The following PARVA variants were observed in gnomAD, a reference collection of about 807,000 sequenced individuals.
PARVA encodes parvin alpha.
In PARVA, 25 loss-of-function variants were observed where a neutral mutation model predicts 52.6. The observed-to-expected ratio is 0.48, with a 90% CI of 0.35 to 0.66. The LOEUF (loss-of-function observed/expected upper bound fraction) is 0.66. Ranked by LOEUF, PARVA falls within the 30% of genes least tolerant of loss-of-function variation. PARVA has a pLI of 0.01. For synonymous variants in PARVA, 185 were observed against 179.1 expected (o/e 1.03, Z -0.26); for missense variants, 373 against 450.9 (o/e 0.83, Z 1.56).
At chr11:12,490,102 G>C (rs1941213815) in intron 4 of PARVA, among the ~76,000 whole-genome samples, 1 of 151,978 alleles carries the variant, frequency 6.6e-6, no homozygotes, top group Non-Finnish European at 1.5e-5. Context: ...TGTAGTCCCA[G>C]CTACTCGGGA....
intron 1 of PARVA, among the ~76,000 whole-genome samples, chr11:12,435,179 C>T (rs569417122): frequency 5.8e-4 from 88 of 152,364 alleles, no homozygotes; most frequent in Non-Finnish European, 9.1e-4. Flanking sequence ...CTGCCTGCTT[C>T]TTGAAGCTCT....
At position 12,531,198 on chromosome 11, in the gene PARVA, G is replaced by A. The variant is rs1941768076; in HGVS notation, c.*3273G>A. 6.6e-6 allele frequency among the ~76,000 whole-genome samples: 1 copy of A among 152,182 alleles called. No individual in the cohort carries two copies. Among genetic ancestry groups the A allele is most frequent in the South Asian group, 2.1e-4 (1 of 4,830 alleles). On this transcript the variant is annotated 3_prime_UTR_variant, in exon 13 of 13. Transcript: ENST00000334956. ...AGAAGGCTCCAGTTTCACATGTGCA[G>A]GCACAGAGATGACATTTCCCGATCT...
intron 4 of PARVA, among the ~76,000 whole-genome samples, chr11:12,496,149 T>C (rs569575664): frequency 7.9e-5 from 12 of 152,166 alleles, no homozygotes; most frequent in East Asian, 1.9e-4. Context: ...TTGGAGAAGA[T>C]AGAATTGAAA....
At position 12,393,519 on chromosome 11, in the gene PARVA, C is replaced by T. The variant is rs191735804; in HGVS notation, c.136+15736C>T. Among the ~76,000 whole-genome samples the T allele has an allele frequency of 2.0e-5, 3 of 152,226 alleles. No individual in the cohort carries two copies. The East Asian group carries it at 5.8e-4, about 29-fold the overall frequency. On this transcript the variant is annotated intron_variant, in intron 1 of 12. Transcript: ENST00000334956. ...TTGAGTTGTCTTCCACATGGTCATT[C>T]AGGGATCCAGGCCCCTTTCATCTTA...
chr11:12,448,312 G>C (rs1169427796), intron 1 of PARVA, among the ~76,000 whole-genome samples: 1 of 152,190 alleles, frequency 6.6e-6, no homozygotes, highest in African/African-American at 2.4e-5. Flanking sequence ...GCCAGCATGG[G>C]TGCAGCCGTG....
At chr11:12,510,324 G>A (rs1205604177) in intron 7 of PARVA, among the ~76,000 whole-genome samples, 3 of 152,168 alleles carry the variant, frequency 2.0e-5, no homozygotes, top group Non-Finnish European at 4.4e-5. Context: ...TAATCATTAT[G>A]AGAACCAAAA....
intron 1 of PARVA, among the ~76,000 whole-genome samples, chr11:12,380,848 G>C (rs907015943): frequency 5.9e-5 from 9 of 152,186 alleles, no homozygotes; most frequent in African/African-American, 2.2e-4. Context: ...CATTGAGCTT[G>C]CTATCAGCTT....
rs140427139 is a variant in PARVA, at chr11:12,433,177, C to T, written c.137-40568C>T. 2.6e-3 allele frequency among the ~76,000 whole-genome samples: 391 copies of T among 152,264 alleles called. 2 individuals carry two copies. The highest frequency in any genetic ancestry group is 9.0e-3 in the African/African-American group (373 of 41,546). ...GGGAGGCCAAGTTTCATTTTTGCGA[C>T]GACCTTACCCAGCTGAAACTTTCCC... On this transcript the variant is annotated intron_variant, in intron 1 of 12. Transcript: ENST00000334956.
intron 1 of PARVA, among the ~76,000 whole-genome samples, chr11:12,439,436 T>C (rs1482138576): frequency 1.3e-5 from 2 of 152,202 alleles, no homozygotes; most frequent in Non-Finnish European, 2.9e-5. Context: ...TCAAAGATGG[T>C]TGAGACATTA....
rs75601333 is a variant in PARVA at position 12,418,875 on chromosome 11, C to T, written c.136+41092C>T. ...GCTGTGATAACTGATGTGTATTGAA[C>T]AATACTTTGCACCAGGAACTCTTAG... is the stretch of plus-strand genomic sequence containing the variant. On this transcript the variant is annotated intron_variant, in intron 1 of 12. Coordinates refer to ENST00000334956, the MANE Select transcript of PARVA (RefSeq NM_018222.5). Among the ~76,000 whole-genome samples, 356 of 152,254 alleles carry T rather than the reference C, an allele frequency of 2.3e-3. 2 individuals carry two copies. The highest frequency in any genetic ancestry group is 8.0e-3 in the African/African-American group (332 of 41,522).
chr11:12,435,911 G>A (rs1413926171), intron 1 of PARVA, among the ~76,000 whole-genome samples: 1 of 151,986 alleles, frequency 6.6e-6, no homozygotes, highest in Admixed American at 6.6e-5. Context: ...TCTGCTTCCC[G>A]GGTTCAAGTT....
intron 4 of PARVA, among the ~76,000 whole-genome samples, chr11:12,482,499 A>G (rs928586841): frequency 1.3e-5 from 2 of 151,386 alleles, no homozygotes; most frequent in Non-Finnish European, 2.9e-5. Context: ...GGTGGTGGGC[A>G]CCTGCAATCC....
At chr11:12,458,778 C>T (rs1197832744) in intron 1 of PARVA, among the ~76,000 whole-genome samples, 1 of 152,112 alleles carries the variant, frequency 6.6e-6, no homozygotes, top group Non-Finnish European at 1.5e-5. Context: ...CTGCACTCTG[C>T]ACAGCCTGGA....
At chr11:12,517,850 C>T (rs1941589892) in intron 11 of PARVA, 139 bp downstream of exon 11, 3 of 641,170 alleles carry the variant, frequency 4.7e-6, no homozygotes, top group Non-Finnish European at 8.3e-6. Flanking sequence ...AGGTGGGACC[C>T]ATTATAAGAG....
At chr11:12,415,498 C>T (rs1940054690) in intron 1 of PARVA, among the ~76,000 whole-genome samples, 1 of 143,010 alleles carries the variant, frequency 7.0e-6, no homozygotes, top group African/African-American at 2.5e-5. Flanking sequence ...TCCCTGATGT[C>T]ATCAATACTT....
At chr11:12,519,266 G>A (rs563685914) in intron 12 of PARVA, among the ~76,000 whole-genome samples, 1 of 152,292 alleles carries the variant, frequency 6.6e-6, no homozygotes, top group African/African-American at 2.4e-5. Context: ...TAGTTTATAG[G>A]CAAGTGGATG....
chr11:12,452,343 C>T (rs1369553239), intron 1 of PARVA, among the ~76,000 whole-genome samples: 2 of 152,184 alleles, frequency 1.3e-5, no homozygotes, highest in African/African-American at 4.8e-5. Flanking sequence ...ATGCCCTCCT[C>T]TCCTGTGGGG....
At chr11:12,461,031 T>C (rs1940771036) in intron 1 of PARVA, among the ~76,000 whole-genome samples, 1 of 152,076 alleles carries the variant, frequency 6.6e-6, no homozygotes, top group Non-Finnish European at 1.5e-5. Flanking sequence ...CGTCCCCCCC[T>C]CTCACATTAA....
intron 1 of PARVA, among the ~76,000 whole-genome samples, chr11:12,437,831 G>T (rs1029681382): frequency 1.3e-5 from 2 of 152,126 alleles, no homozygotes; most frequent in African/African-American, 4.8e-5. Context: ...CAGCTTGGTC[G>T]GTGCTTCCCA....
Sources: allele counts gnomAD v4.1 joint callset (sites outside exome capture counted in the v4.1 genomes callset), GRCh38; gene constraint gnomAD v4.1.1; transcripts MANE v1.5; gene names NCBI Gene and HGNC (gene_info 2026-07-23, HGNC 2026-07-21).